Variants in ABTB2 observed in about 807,000 individuals in gnomAD.
The protein encoded by ABTB2 is ankyrin repeat and BTB/POZ domain-containing protein 2.
In ABTB2, 56 loss-of-function variants were observed where a neutral mutation model predicts 104.1. The observed-to-expected ratio is 0.54, with a 90% CI of 0.43 to 0.67. ABTB2 has a LOEUF of 0.67. ABTB2 is among the 30% of genes least tolerant of loss of function. ABTB2 has a pLI of 0.00. For missense variants in ABTB2, 1,279 were observed against 1,407.7 expected (o/e 0.91, Z 1.46); for synonymous variants, 606 against 608.2 (o/e 1.00, Z 0.05).
At chr11:34,293,726 AT>A (rs78765419) in intron 1 of ABTB2, among the ~76,000 whole-genome samples, 2,648 of 149,316 alleles carry the variant, frequency 0.018, 53 homozygotes, top group African/African-American at 0.051. Context: ...AACAAGGTAA[AT>A]TTTTTTTTTT....
chr11:34,173,932 T>C (rs1215094993), intron 3 of ABTB2, among the ~76,000 whole-genome samples: 1 of 152,192 alleles, frequency 6.6e-6, no homozygotes, highest in Admixed American at 6.5e-5. Context: ...TATTAGGCTG[T>C]TGTACAACAT....
intron 1 of ABTB2, among the ~76,000 whole-genome samples, chr11:34,305,261 C>T (rs898567942): frequency 1.3e-5 from 2 of 152,228 alleles, no homozygotes; most frequent in African/African-American, 4.8e-5. Context: ...ATGCCATATG[C>T]TCATTCTTGG....
At chr11:34,166,227 T>G (rs745808) in intron 7 of ABTB2, among the ~76,000 whole-genome samples, 7,471 of 152,294 alleles carry the variant, frequency 0.049, 622 homozygotes, top group African/African-American at 0.17. Flanking sequence ...TTCCCCTGGA[T>G]ACCAGGAGTG....
intron 1 of ABTB2, among the ~76,000 whole-genome samples, chr11:34,273,702 C>G (rs1854347252): frequency 6.6e-6 from 1 of 152,066 alleles, no homozygotes; most frequent in Admixed American, 6.6e-5. Flanking sequence ...GTCAAAGTTC[C>G]TAAAACCTTG....
chr11:34,165,161 T>C (rs1852780585), intron 8 of ABTB2, 99 bp downstream of exon 8: 1 of 1,122,442 alleles, frequency 8.9e-7, no homozygotes, highest in African/African-American at 1.6e-5. Flanking sequence ...GGGGTCCGTG[T>C]GTGCTAAAGA....
chr11:34,297,107 A>G (rs560771979), intron 1 of ABTB2, among the ~76,000 whole-genome samples: 28 of 152,324 alleles, frequency 1.8e-4, no homozygotes, highest in African/African-American at 6.3e-4. Flanking sequence ...AGTATTTCAC[A>G]AGGAAATCTA....
chr11:34,193,511 G>A (rs926319978), intron 3 of ABTB2, among the ~76,000 whole-genome samples: 2 of 152,238 alleles, frequency 1.3e-5, no homozygotes, highest in African/African-American at 4.8e-5. Flanking sequence ...AAGGCCTTGA[G>A]GTGAGAGAGA....
rs57658114 is a variant in ABTB2, at chr11:34,308,868, CAAAAAA to C, written c.883+47827_883+47832del. On this transcript the variant is annotated intron_variant, in intron 1 of 16. Transcript: ENST00000435224. ...CTTGGGCAATGAGAGGAAACTGTCT[CAAAAAA>C]AAAAAAAAAAAAAGAAAAGAGAAAG... is the stretch of plus-strand genomic sequence containing the variant. Among the ~76,000 whole-genome samples, 70 of 77,798 alleles carry C rather than the reference CAAAAAA, an allele frequency of 9.0e-4. 2 individuals carry two copies. The highest frequency in any genetic ancestry group is 2.8e-3 in the African/African-American group (65 of 22,968). The allele number at this position is 77,798 out of a possible 152,430, so 51.0% of individuals were successfully genotyped here. A position where few individuals can be genotyped will look rare whatever the true frequency, so the allele number is the denominator to read the frequency against.
At chr11:34,326,839 G>A (rs1012896478) in intron 1 of ABTB2, among the ~76,000 whole-genome samples, 3 of 152,194 alleles carry the variant, frequency 2.0e-5, no homozygotes, top group African/African-American at 7.2e-5. Context: ...GGAGGCTGAG[G>A]CAGGCAGATC....
intron 1 of ABTB2, among the ~76,000 whole-genome samples, chr11:34,276,506 C>T (rs939453655): frequency 1.3e-5 from 2 of 152,226 alleles, no homozygotes; most frequent in Middle Eastern, 3.4e-3. Flanking sequence ...CAGAATTCTT[C>T]CCCACACACA....
intron 3 of ABTB2, 47 bp from the exon 4 acceptor site, chr11:34,173,354 AGGG>A (rs1852913143): frequency 6.6e-7 from 1 of 1,520,434 alleles, no homozygotes; most frequent in South Asian, 1.3e-5. Flanking sequence ...GGGTCCCTGC[AGGG>A]CAGCAGAGAG....
chr11:34,205,920 C>CT (rs753180355), intron 1 of ABTB2, among the ~76,000 whole-genome samples: 10 of 152,196 alleles, frequency 6.6e-5, no homozygotes, highest in Non-Finnish European at 1.5e-4. Context: ...CACAGGGCTG[C>CT]TGTGAGGATT....
At position 34,216,437 on chromosome 11, in the gene ABTB2, T is replaced by C. The variant is rs117514681; in HGVS notation, c.884-11747A>G. Among the ~76,000 whole-genome samples, 296 of 152,300 alleles carry C rather than the reference T, an allele frequency of 1.9e-3. 2 individuals carry two copies. Among genetic ancestry groups the C allele is most frequent in the Non-Finnish European group, 3.4e-3 (233 of 68,038 alleles). On this transcript the variant is annotated intron_variant, in intron 1 of 16. Coordinates refer to ENST00000435224, the MANE Select transcript of ABTB2 (RefSeq NM_145804.3). ...TCATACTATACATGGCCCTTTCTGA[T>C]TGGCTTCCTTTACTTAGAAATATAC...
intron 1 of ABTB2, among the ~76,000 whole-genome samples, chr11:34,220,262 A>T (rs1040320025): frequency 6.6e-6 from 1 of 152,098 alleles, no homozygotes; most frequent in African/African-American, 2.4e-5. Flanking sequence ...TCAGTGACCT[A>T]CCCAGCTCCA....
At chr11:34,352,607 T>C (rs1156595604) in intron 1 of ABTB2, among the ~76,000 whole-genome samples, 1 of 152,218 alleles carries the variant, frequency 6.6e-6, no homozygotes, top group Non-Finnish European at 1.5e-5. Flanking sequence ...TTATTGAGCA[T>C]TTACTATGTG....
At chr11:34,171,869 T>C (rs996024087) in intron 4 of ABTB2, among the ~76,000 whole-genome samples, 2 of 152,192 alleles carry the variant, frequency 1.3e-5, no homozygotes, top group Non-Finnish European at 1.5e-5. Flanking sequence ...GAGAGTAGCA[T>C]AGACTGCCAT....
intron 3 of ABTB2, among the ~76,000 whole-genome samples, chr11:34,176,421 C>G (rs1320851231): frequency 6.6e-6 from 1 of 152,206 alleles, no homozygotes; most frequent in Non-Finnish European, 1.5e-5. Context: ...ACAATGACTT[C>G]CTCATCTCTG....
At chr11:34,285,628 C>G (rs902267161) in intron 1 of ABTB2, among the ~76,000 whole-genome samples, 1 of 152,146 alleles carries the variant, frequency 6.6e-6, no homozygotes, top group African/African-American at 2.4e-5. Context: ...GCCTGCTGCT[C>G]TACCCTGGAG....
intron 1 of ABTB2, among the ~76,000 whole-genome samples, chr11:34,333,299 A>G (rs1397163104): frequency 6.6e-6 from 1 of 152,170 alleles, no homozygotes; most frequent in East Asian, 1.9e-4. Flanking sequence ...CTTGATCTTG[A>G]CCTGGGTAAG....
Sources: allele counts gnomAD v4.1 joint callset (sites outside exome capture counted in the v4.1 genomes callset), GRCh38; gene constraint gnomAD v4.1.1; transcripts MANE v1.5; gene names NCBI Gene and HGNC (gene_info 2026-07-23, HGNC 2026-07-21).